Variants in FOXO3 observed in about 807,000 individuals in gnomAD.
FOXO3 encodes the protein forkhead box protein O3.
In FOXO3, 4 loss-of-function variants were observed where a neutral mutation model predicts 41.9. The observed-to-expected ratio is 0.10, with a 90% CI of 0.05 to 0.22. The LOEUF (loss-of-function observed/expected upper bound fraction) is 0.22. Ranked by LOEUF, FOXO3 falls within the 10% of genes least tolerant of loss-of-function variation. FOXO3 has a pLI of 1.00. For missense variants in FOXO3, 534 were observed against 906.8 expected (o/e 0.59, Z 5.28); for synonymous variants, 318 against 389.3 (o/e 0.82, Z 2.16).
chr6:108,655,419 T>A (rs527527939), intron 1 of FOXO3, among the ~76,000 whole-genome samples: 5 of 152,252 alleles, frequency 3.3e-5, no homozygotes, highest in African/African-American at 1.2e-4. Flanking sequence ...TGTTACCAGA[T>A]CTAAGGAGAC....
At chr6:108,584,849 G>A (rs1245346242) in intron 1 of FOXO3, among the ~76,000 whole-genome samples, 2 of 152,014 alleles carry the variant, frequency 1.3e-5, no homozygotes, top group East Asian at 1.9e-4. Flanking sequence ...AGCCTCAGTA[G>A]TACTATAGTG....
chr6:108,669,156 A>G (rs1779145216), intron 2 of FOXO3, among the ~76,000 whole-genome samples: 1 of 152,140 alleles, frequency 6.6e-6, no homozygotes, highest in African/African-American at 2.4e-5. Flanking sequence ...GAACCCTAAC[A>G]TTTTGTCTGT....
intron 2 of FOXO3, among the ~76,000 whole-genome samples, chr6:108,674,836 T>C (rs1038899656): frequency 2.0e-5 from 3 of 152,122 alleles, no homozygotes; most frequent in Non-Finnish European, 2.9e-5. Context: ...TAACCATGAA[T>C]TCAGAGAGGA....
chr6:108,591,654 G>C (rs562040139), intron 1 of FOXO3, among the ~76,000 whole-genome samples: 2 of 152,258 alleles, frequency 1.3e-5, no homozygotes, highest in South Asian at 4.1e-4. Context: ...ATCTTGAGCT[G>C]GCTGTAAACA....
intron 1 of FOXO3, among the ~76,000 whole-genome samples, chr6:108,627,313 C>T (rs761525119): frequency 1.3e-5 from 2 of 152,102 alleles, no homozygotes; most frequent in Non-Finnish European, 2.9e-5. Context: ...ACACTTGGAT[C>T]TCTTGCGTAT....
At chr6:108,614,390 T>G (rs1226989731) in intron 1 of FOXO3, among the ~76,000 whole-genome samples, 1 of 152,186 alleles carries the variant, frequency 6.6e-6, no homozygotes, top group Non-Finnish European at 1.5e-5. Flanking sequence ...TTATGTATTT[T>G]GAAAATCTAT....
intron 1 of FOXO3, among the ~76,000 whole-genome samples, chr6:108,606,474 G>A (rs1777204812): frequency 6.6e-6 from 1 of 152,182 alleles, no homozygotes; most frequent in South Asian, 2.1e-4. Flanking sequence ...AATGCCACTG[G>A]TATAACAGAA....
At chr6:108,608,847 C>T (rs1462156860) in intron 1 of FOXO3, among the ~76,000 whole-genome samples, 2 of 152,156 alleles carry the variant, frequency 1.3e-5, no homozygotes, top group Non-Finnish European at 2.9e-5. Context: ...TTTTCTCTAT[C>T]CCTCCCCTCC....
intron 2 of FOXO3, among the ~76,000 whole-genome samples, chr6:108,678,261 A>G (rs1230822271): frequency 6.6e-6 from 1 of 152,152 alleles, no homozygotes; most frequent in East Asian, 1.9e-4. Flanking sequence ...GATGTATATA[A>G]TGTGATTTTG....
intron 1 of FOXO3, among the ~76,000 whole-genome samples, chr6:108,624,528 T>C (rs1023758957): frequency 6.6e-6 from 1 of 152,138 alleles, no homozygotes; most frequent in Non-Finnish European, 1.5e-5. Context: ...GAAAAGATTA[T>C]TTGTAGTTGT....
chr6:108,583,677 A>G (rs370867726), intron 1 of FOXO3, among the ~76,000 whole-genome samples: 2 of 152,228 alleles, frequency 1.3e-5, no homozygotes, highest in East Asian at 3.8e-4. Context: ...TTCTTCAGGC[A>G]CTGGAGAAGT....
intron 1 of FOXO3, among the ~76,000 whole-genome samples, chr6:108,578,596 A>T (rs1427293840): frequency 6.6e-6 from 1 of 152,202 alleles, no homozygotes; most frequent in Non-Finnish European, 1.5e-5. Flanking sequence ...TATTGTGTTC[A>T]CAGAACTTGT....
intron 1 of FOXO3, among the ~76,000 whole-genome samples, chr6:108,601,052 G>A (rs1435503326): frequency 6.6e-6 from 1 of 151,986 alleles, no homozygotes; most frequent in African/African-American, 2.4e-5. Flanking sequence ...CTGTCCGCCA[G>A]GCTGGAGTGC....
At chr6:108,578,219 C>T (rs768351066) in intron 1 of FOXO3, among the ~76,000 whole-genome samples, 2 of 152,138 alleles carry the variant, frequency 1.3e-5, no homozygotes, top group Non-Finnish European at 2.9e-5. Context: ...TCAGGCTTAC[C>T]CCACACAGAC....
chr6:108,591,784 A>C (rs996576710), intron 1 of FOXO3, among the ~76,000 whole-genome samples: 7 of 152,190 alleles, frequency 4.6e-5, no homozygotes, highest in African/African-American at 1.4e-4. Flanking sequence ...ACTTTATGCA[A>C]AGTTACTTAT....
intron 1 of FOXO3, among the ~76,000 whole-genome samples, chr6:108,606,687 C>A (rs1412455686): frequency 1.4e-4 from 22 of 152,238 alleles, no homozygotes; most frequent in Admixed American, 1.4e-3. Context: ...CCAGCCTGTT[C>A]TGCTTTTACC....
intron 1 of FOXO3, among the ~76,000 whole-genome samples, chr6:108,563,340 A>G (rs1316544624): frequency 6.6e-6 from 1 of 152,252 alleles, no homozygotes. Flanking sequence ...TGCTTACATT[A>G]TGAGTCTTAT....
At chr6:108,679,806 T>C (rs1206875603) in intron 2 of FOXO3, 21 bp from the exon 3 acceptor site, 1 of 154,542 alleles carries the variant, frequency 6.5e-6, no homozygotes. Context: ...TGATCTCTGG[T>C]TTTCTTTTCT....
intron 1 of FOXO3, among the ~76,000 whole-genome samples, chr6:108,609,659 T>C (rs895689870): frequency 2.6e-5 from 4 of 152,216 alleles, no homozygotes; most frequent in Non-Finnish European, 5.9e-5. Flanking sequence ...ACGCTGTGGA[T>C]CGCTTTTAAG....
Sources: allele counts gnomAD v4.1 joint callset (sites outside exome capture counted in the v4.1 genomes callset), GRCh38; gene constraint gnomAD v4.1.1; transcripts MANE v1.5; gene names NCBI Gene and HGNC (gene_info 2026-07-23, HGNC 2026-07-21).